The following REPS2 variants were observed in gnomAD, a reference collection of about 807,000 sequenced individuals.
The protein encoded by REPS2 is ralBP1-associated Eps domain-containing protein 2.
REPS2 carries 23 observed loss-of-function variants against 53.6 expected under a neutral mutation model. The ratio of observed to expected loss-of-function variants is 0.43; its 90% CI spans 0.31 to 0.61. The LOEUF (loss-of-function observed/expected upper bound fraction) is 0.61, where lower values mean the gene tolerates loss of function less well. REPS2 is among the 20% of genes least tolerant of loss of function. The pLI is 0.11. For missense variants in REPS2, 446 were observed against 534.9 expected, an observed-to-expected ratio of 0.83 and a Z score of 1.64; for synonymous variants, 238 against 218.6, an observed-to-expected ratio of 1.09 and a Z score of -0.78.
At chrX:17,055,955 A>G (rs1477187085) in intron 8 of REPS2, among the ~76,000 whole-genome samples, 1 of 106,482 alleles carries the variant, frequency 9.4e-6, no homozygotes, top group Admixed American at 1.0e-4. Flanking sequence ...AACCTGCACA[A>G]TGTGCACATG....
chrX:16,965,147 C>G (rs1290290365), intron 1 of REPS2, among the ~76,000 whole-genome samples: 9 of 89,843 alleles, frequency 1.0e-4, no homozygotes, highest in South Asian at 5.8e-4. Context: ...GGCTGACCCC[C>G]CCACCTCCCT....
At chrX:16,986,660 T>A (rs747594648) in intron 1 of REPS2, among the ~76,000 whole-genome samples, 1 of 111,408 alleles carries the variant, frequency 9.0e-6, no homozygotes, top group African/African-American at 3.3e-5. Flanking sequence ...ACTGGGTCAT[T>A]AGAAGTGACC....
At chrX:17,112,469 G>A (rs890450485) in intron 14 of REPS2, among the ~76,000 whole-genome samples, 1 of 111,810 alleles carries the variant, frequency 8.9e-6, no homozygotes, top group Non-Finnish European at 1.9e-5. Flanking sequence ...TAGACCATAT[G>A]TTAGGCCACA....
At position 16,981,310 on chromosome X, in the gene REPS2, A is replaced by G. The variant is rs113472260; in HGVS notation, c.274-24911A>G. 5.4e-3 allele frequency among the ~76,000 whole-genome samples: 608 copies of G among 111,993 alleles called. 5 individuals carry two copies. Among genetic ancestry groups the G allele is most frequent in the African/African-American group, 0.019 (585 of 30,890 alleles). ...ATCTGAGGTTTATCCATTAAACTGT[A>G]TCAGTTCATGGCTGGGAGTAGGAAT... On this transcript the variant is annotated intron_variant, in intron 1 of 17. Transcript: ENST00000357277.
At chrX:16,982,133 A>G (rs1486177932) in intron 1 of REPS2, among the ~76,000 whole-genome samples, 5 of 111,822 alleles carry the variant, frequency 4.5e-5, no homozygotes, top group African/African-American at 1.3e-4. Flanking sequence ...CCTATATTAG[A>G]GTATGTATCA....
intron 1 of REPS2, among the ~76,000 whole-genome samples, chrX:16,990,132 A>G (rs913512930): frequency 1.4e-4 from 16 of 112,250 alleles, no homozygotes; most frequent in South Asian, 3.7e-4. Context: ...GATACATGCA[A>G]TGATCTGGAT....
the REPS2 span, among the ~76,000 whole-genome samples, chrX:17,176,685 G>C: frequency 1.4e-4 from 16 of 111,815 alleles, no homozygotes; most frequent in Non-Finnish European, 2.6e-4. Flanking sequence ...TCTGCCCTTC[G>C]TGCATAGGTC....
chrX:17,136,872 C>CACATAAATGGAATAATGAA (rs1241939335), intron 16 of REPS2: 4 of 112,298 alleles, frequency 3.6e-5, no homozygotes, highest in Non-Finnish European at 5.6e-5. Context: ...CTTGTCATTT[C>CACATAAATGGAATAATGAA]ACATAAATGG....
intron 1 of REPS2, among the ~76,000 whole-genome samples, chrX:16,979,781 C>G (rs1018012710): frequency 4.1e-4 from 45 of 109,989 alleles, no homozygotes; most frequent in African/African-American, 1.5e-3. Context: ...AAAGGTTTAT[C>G]CCTTAGGTTA....
intron 1 of REPS2, among the ~76,000 whole-genome samples, chrX:16,949,229 C>T (rs1252343232): frequency 1.8e-5 from 2 of 111,175 alleles, no homozygotes; most frequent in East Asian, 5.6e-4. Context: ...GATTTAAGTG[C>T]CCCAACAGGT....
At chrX:17,171,441 G>A in the REPS2 span, among the ~76,000 whole-genome samples, 1 of 112,263 alleles carries the variant, frequency 8.9e-6, no homozygotes, top group South Asian at 3.7e-4. Context: ...TGGGCAAAAT[G>A]TGTCTTCAGC....
At chrX:17,094,954 A>T (rs1375293296) in intron 13 of REPS2, among the ~76,000 whole-genome samples, 1 of 111,362 alleles carries the variant, frequency 9.0e-6, no homozygotes, top group East Asian at 2.8e-4. Flanking sequence ...CTTAATGATC[A>T]TTCTGATGAT....
intron 14 of REPS2, among the ~76,000 whole-genome samples, chrX:17,132,606 T>C (rs775012009): frequency 2.7e-5 from 3 of 113,014 alleles, no homozygotes; most frequent in Non-Finnish European, 3.7e-5. Context: ...GGCACGATCT[T>C]GGCTCACTGC....
chrX:16,951,546 CACACACACA>C (rs2060509177), intron 1 of REPS2, among the ~76,000 whole-genome samples: 5 of 36,181 alleles, frequency 1.4e-4, no homozygotes, highest in South Asian at 2.0e-3. Context: ...CACACACACA[CACACACACA>C]CACACCCCCG....
intron 15 of REPS2, 91 bp from the exon 16 acceptor site, chrX:17,135,170 G>A (rs1320156004): frequency 1.0e-6 from 1 of 960,457 alleles, no homozygotes; most frequent in Non-Finnish European, 1.4e-6. Context: ...CTTGGGGTTG[G>A]GGCTAAAGGC....
At chrX:17,090,602 G>A (rs2062602455) in intron 13 of REPS2, among the ~76,000 whole-genome samples, 1 of 112,186 alleles carries the variant, frequency 8.9e-6, no homozygotes, top group South Asian at 3.6e-4. Context: ...TTGTTGAGTT[G>A]TATATTCTGT....
chrX:17,140,028 C>T (rs2063421957), intron 17 of REPS2, among the ~76,000 whole-genome samples: 1 of 111,915 alleles, frequency 8.9e-6, no homozygotes, highest in Non-Finnish European at 1.9e-5. Flanking sequence ...GGATCATTCG[C>T]CATCCACATG....
rs143293429 is a variant in REPS2, at chrX:17,108,058, C to T, written c.1578+4279C>T. Among the ~76,000 whole-genome samples the T allele has an allele frequency of 3.7e-3, 414 of 111,110 alleles. 3 individuals carry two copies. The highest frequency in any genetic ancestry group is 4.9e-3 in the Non-Finnish European group (261 of 53,041). ...AGCCTAAAGTGTTGGGGATTACAGG[C>T]GTGTGCTACTGTGCCCGGCCTAGAG... is the stretch of plus-strand genomic sequence containing the variant. On this transcript the variant is annotated intron_variant, in intron 14 of 17. Coordinates refer to ENST00000357277, the MANE Select transcript of REPS2 (RefSeq NM_004726.3).
chrX:16,951,274 A>T (rs1393760575), intron 1 of REPS2, among the ~76,000 whole-genome samples: 2 of 111,727 alleles, frequency 1.8e-5, no homozygotes, highest in African/African-American at 3.3e-5. Flanking sequence ...GTTTAAAAGT[A>T]TCCCATTCTG....
Sources: gnomAD v4.1 joint callset for allele counts (sites outside exome capture counted in the v4.1 genomes callset) on GRCh38, gnomAD v4.1.1 for gene constraint, MANE v1.5 for transcripts, NCBI Gene and HGNC (gene_info 2026-07-23, HGNC 2026-07-21) for gene names.